Variants in SCFD2 observed in about 807,000 individuals in gnomAD.
The protein encoded by SCFD2 is sec1 family domain containing 2, also known as sec1 family domain-containing protein 2.
Under a neutral mutation model 58.9 loss-of-function variants are expected in SCFD2, and 54 were observed. The ratio of observed to expected loss-of-function variants is 0.92; its 90% CI spans 0.74 to 1.15. The LOEUF (loss-of-function observed/expected upper bound fraction) is 1.15. Ranked by LOEUF, SCFD2 falls within the 50% of genes most tolerant of loss-of-function variation. The pLI is 0.00. For synonymous variants in SCFD2, 321 were observed against 335.9 expected (o/e 0.96, Z 0.49); for missense variants, 805 against 836.6 (o/e 0.96, Z 0.47).
intron 7 of SCFD2, among the ~76,000 whole-genome samples, chr4:52,891,002 C>G (rs1412615529): frequency 6.6e-6 from 1 of 152,060 alleles, no homozygotes; most frequent in Non-Finnish European, 1.5e-5. Context: ...AGGTCATTCT[C>G]CAGCTATGGG....
At chr4:53,293,445 T>G (rs1731912499) in intron 3 of SCFD2, among the ~76,000 whole-genome samples, 1 of 152,068 alleles carries the variant, frequency 6.6e-6, no homozygotes, top group Non-Finnish European at 1.5e-5. Context: ...TTCCTGCAAA[T>G]GTACCCCGGA....
At chr4:53,351,256 G>A (rs986187467) in intron 2 of SCFD2, among the ~76,000 whole-genome samples, 3 of 152,138 alleles carry the variant, frequency 2.0e-5, no homozygotes, top group Non-Finnish European at 2.9e-5. Context: ...TCTCACTGAC[G>A]TCAGGCCCTG....
chr4:53,294,373 T>C (rs1731948263), intron 3 of SCFD2, among the ~76,000 whole-genome samples: 1 of 152,236 alleles, frequency 6.6e-6, no homozygotes, highest in African/African-American at 2.4e-5. Flanking sequence ...GTAGTTTTGA[T>C]TTGCATTTCT....
intron 3 of SCFD2, among the ~76,000 whole-genome samples, chr4:53,308,038 AC>A (rs752922340): frequency 6.6e-6 from 1 of 152,202 alleles, no homozygotes; most frequent in Non-Finnish European, 1.5e-5. Flanking sequence ...CCCCAGCATC[AC>A]GAAGTGGGAG....
intron 4 of SCFD2, among the ~76,000 whole-genome samples, chr4:53,261,077 G>A (rs1289034675): frequency 6.6e-5 from 10 of 151,830 alleles, no homozygotes; most frequent in East Asian, 1.9e-4. Context: ...AATATATCCC[G>A]TTTCATTTCT....
chr4:53,055,702 G>T (rs1723317930), intron 5 of SCFD2, among the ~76,000 whole-genome samples: 1 of 152,086 alleles, frequency 6.6e-6, no homozygotes. Context: ...TCTTATGATG[G>T]GTACATGGCT....
chr4:53,271,442 T>TATTG (rs1420177486), intron 4 of SCFD2, among the ~76,000 whole-genome samples: 1 of 147,346 alleles, frequency 6.8e-6, no homozygotes, highest in Non-Finnish European at 1.5e-5. Context: ...TCACTTTATT[T>TATTG]ATTTATTTAT....
chr4:53,363,809 A>G (rs1560466736), intron 1 of SCFD2, among the ~76,000 whole-genome samples: 1 of 140,926 alleles, frequency 7.1e-6, no homozygotes, highest in Non-Finnish European at 1.5e-5. Flanking sequence ...CCTGGGCGAC[A>G]GAGAGAGACT....
At chr4:52,885,944 T>A (rs1718730524) in intron 7 of SCFD2, 78 bp from the exon 8 acceptor site, 22 of 1,570,078 alleles carry the variant, frequency 1.4e-5, no homozygotes, top group Non-Finnish European at 1.9e-5. Flanking sequence ...ATCTTCATTG[T>A]CCCTCTGTAG....
chr4:53,221,289 A>C (rs920678245), intron 4 of SCFD2, among the ~76,000 whole-genome samples: 3 of 152,198 alleles, frequency 2.0e-5, no homozygotes, highest in Non-Finnish European at 2.9e-5. Flanking sequence ...ATAATTTCTC[A>C]TTTGACTGAT....
chr4:52,972,587 T>C (rs1191562406), intron 5 of SCFD2, among the ~76,000 whole-genome samples: 1 of 152,160 alleles, frequency 6.6e-6, no homozygotes, highest in Non-Finnish European at 1.5e-5. Context: ...AACACCCCAC[T>C]GTCAACATTA....
rs562953448 is a variant in SCFD2 at position 52,900,591 on chromosome 4, G to A, written c.1842+6866C>T. ...CCAGTTAGGCTACTCGGGGGTCAGG[G>A]ACCCACTTGAGGAGGCATTCTGCCG... On this transcript the variant is annotated intron_variant, in intron 7 of 8. Transcript: ENST00000401642. 9.2e-5 allele frequency among the ~76,000 whole-genome samples: 14 copies of A among 152,338 alleles called. 1 individual carries two copies. The South Asian group carries it at 2.7e-3, about 29-fold the overall frequency.
At chr4:53,107,917 A>G (rs1209441440) in intron 5 of SCFD2, among the ~76,000 whole-genome samples, 3 of 152,220 alleles carry the variant, frequency 2.0e-5, no homozygotes, top group Admixed American at 6.5e-5. Flanking sequence ...AATCAACAGA[A>G]TATACCTTCT....
At chr4:53,018,176 C>T (rs148712285) in intron 5 of SCFD2, among the ~76,000 whole-genome samples, 61 of 152,302 alleles carry the variant, frequency 4.0e-4, no homozygotes, top group African/African-American at 1.4e-3. Flanking sequence ...TAGGGCCTGA[C>T]ACTCATATTT....
chr4:53,251,797 A>G (rs375178249), intron 4 of SCFD2, among the ~76,000 whole-genome samples: 3 of 151,722 alleles, frequency 2.0e-5, no homozygotes, highest in East Asian at 1.9e-4. Flanking sequence ...GGCAAAAACT[A>G]GAAGCATTCC....
At chr4:53,000,794 C>T (rs1389526418) in intron 5 of SCFD2, among the ~76,000 whole-genome samples, 1 of 152,144 alleles carries the variant, frequency 6.6e-6, no homozygotes, top group Non-Finnish European at 1.5e-5. Context: ...AGCAACAACT[C>T]AACATGTGCT....
intron 3 of SCFD2, among the ~76,000 whole-genome samples, chr4:53,289,693 A>AAAC (rs985880848): frequency 6.6e-6 from 1 of 152,142 alleles, no homozygotes; most frequent in Non-Finnish European, 1.5e-5. Context: ...GCTGAATGGA[A>AAAC]AACAACAACA....
intron 5 of SCFD2, among the ~76,000 whole-genome samples, chr4:53,097,495 C>T (rs1577724319): frequency 1.3e-5 from 2 of 152,254 alleles, no homozygotes; most frequent in East Asian, 3.9e-4. Flanking sequence ...TAGGAGTTCA[C>T]TCATGATTTG....
chr4:53,207,538 T>A (rs28363782), intron 4 of SCFD2, among the ~76,000 whole-genome samples: 2,783 of 17,150 alleles, frequency 0.16, 497 homozygotes, highest in African/African-American at 0.22. Context: ...ATTTATATAT[T>A]ATATATATAA....
Sources: gnomAD v4.1 joint callset for allele counts (sites outside exome capture counted in the v4.1 genomes callset) on GRCh38, gnomAD v4.1.1 for gene constraint, MANE v1.5 for transcripts, NCBI Gene and HGNC (gene_info 2026-07-23, HGNC 2026-07-21) for gene names.